The following KHDRBS2 variants were observed in gnomAD, a reference collection of about 807,000 sequenced individuals.
KHDRBS2 encodes the protein KH domain-containing, RNA-binding, signal transduction-associated protein 2.
In KHDRBS2, 26 loss-of-function variants were observed where a neutral mutation model predicts 44.3. The ratio of observed to expected loss-of-function variants is 0.59; its 90% CI spans 0.43 to 0.81. KHDRBS2 has a LOEUF of 0.81. KHDRBS2 is among the 40% of genes least tolerant of loss of function. KHDRBS2 has a pLI of 0.00. For missense variants in KHDRBS2, 476 were observed against 433.1 expected, an observed-to-expected ratio of 1.10 and a Z score of -0.88; for synonymous variants, 194 against 151.1, an observed-to-expected ratio of 1.28 and a Z score of -2.08.
the KHDRBS2 span, among the ~76,000 whole-genome samples, chr6:61,623,973 C>A: frequency 2.6e-5 from 4 of 152,090 alleles, no homozygotes; most frequent in African/African-American, 7.2e-5. Flanking sequence ...GGAAGAGTGT[C>A]ATGAGGTGAA....
At chr6:61,593,088 G>A in the KHDRBS2 span, among the ~76,000 whole-genome samples, 1 of 152,162 alleles carries the variant, frequency 6.6e-6, no homozygotes, top group South Asian at 2.1e-4. Context: ...AGTCTCTGAA[G>A]CATCTTTAGT....
chr6:61,913,333 T>G (rs1806391118), intron 4 of KHDRBS2, among the ~76,000 whole-genome samples: 4 of 151,876 alleles, frequency 2.6e-5, no homozygotes, highest in African/African-American at 9.7e-5. Flanking sequence ...TTTTATATTG[T>G]TCTAAGATGT....
intron 6 of KHDRBS2, among the ~76,000 whole-genome samples, chr6:61,795,968 A>C (rs1785293161): frequency 6.6e-6 from 1 of 152,176 alleles, no homozygotes; most frequent in African/African-American, 2.4e-5. Flanking sequence ...TCCAGTAGTT[A>C]AGATCATGAG....
intron 2 of KHDRBS2, among the ~76,000 whole-genome samples, chr6:62,070,082 T>A (rs1282972733): frequency 6.6e-6 from 1 of 151,784 alleles, no homozygotes; most frequent in African/African-American, 2.4e-5. Context: ...TTTTTGCTCC[T>A]TATTTAATTA....
intron 4 of KHDRBS2, among the ~76,000 whole-genome samples, chr6:61,958,445 C>G (rs1163823617): frequency 6.6e-6 from 1 of 152,152 alleles, no homozygotes; most frequent in Admixed American, 6.6e-5. Flanking sequence ...TGTCTGTAAG[C>G]TGCCTGGATG....
chr6:61,614,988 C>T, the KHDRBS2 span, among the ~76,000 whole-genome samples: 4 of 151,764 alleles, frequency 2.6e-5, no homozygotes, highest in Non-Finnish European at 5.9e-5. Flanking sequence ...AATCCCAGCA[C>T]GTTGGGAGAC....
At position 62,020,630 on chromosome 6, in the gene KHDRBS2, C is replaced by T. The variant is rs567757017; in HGVS notation, c.336+27248G>A. 4.5e-4 allele frequency among the ~76,000 whole-genome samples: 68 copies of T among 151,972 alleles called. 2 individuals carry two copies. Among genetic ancestry groups the T allele is most frequent in the South Asian group, 1.2e-3 (6 of 4,830 alleles). On this transcript the variant is annotated intron_variant, in intron 3 of 8. Coordinates refer to ENST00000281156, the MANE Select transcript of KHDRBS2 (RefSeq NM_152688.4). Reference sequence around the variant, plus strand: ...TGTACTTTGTGGCTGTCTTTATGTGCGTAAACTTTATAATTTTTATATTTT... The same window carrying T: ...TGTACTTTGTGGCTGTCTTTATGTGTGTAAACTTTATAATTTTTATATTTT...
chr6:61,754,503 G>C (rs1421387227), intron 6 of KHDRBS2, among the ~76,000 whole-genome samples: 1 of 151,618 alleles, frequency 6.6e-6, no homozygotes, highest in East Asian at 1.9e-4. Flanking sequence ...CTGTCACACA[G>C]AGACAGGATT....
intron 3 of KHDRBS2, among the ~76,000 whole-genome samples, chr6:61,992,593 A>ATGTG (rs749737405): frequency 6.6e-6 from 1 of 150,892 alleles, no homozygotes; most frequent in African/African-American, 2.4e-5. Context: ...TAGGGGTCTG[A>ATGTG]TGTGTGTGTG....
chr6:61,604,278 A>G, the KHDRBS2 span, among the ~76,000 whole-genome samples: 1 of 111,484 alleles, frequency 9.0e-6, no homozygotes, highest in South Asian at 3.3e-4. Context: ...ATTCACTGCA[A>G]GGGTCATCAA....
At chr6:62,165,320 A>G (rs1390776895) in intron 2 of KHDRBS2, among the ~76,000 whole-genome samples, 1 of 148,926 alleles carries the variant, frequency 6.7e-6, no homozygotes, top group African/African-American at 2.4e-5. Flanking sequence ...TTTTTGGTGT[A>G]TGAGATAAGA....
chr6:62,076,499 G>A (rs1796363074), intron 2 of KHDRBS2, among the ~76,000 whole-genome samples: 3 of 152,014 alleles, frequency 2.0e-5, no homozygotes, highest in Admixed American at 6.6e-5. Context: ...AGTAGATAAT[G>A]TTGGTTGTAG....
intron 6 of KHDRBS2, among the ~76,000 whole-genome samples, chr6:61,818,918 GAA>G (rs1789432183): frequency 6.6e-6 from 1 of 151,892 alleles, no homozygotes; most frequent in Non-Finnish European, 1.5e-5. Context: ...TTAGGTCAAA[GAA>G]AATATACATT....
chr6:62,256,063 A>G (rs2150178300), intron 1 of KHDRBS2, among the ~76,000 whole-genome samples: 1 of 152,040 alleles, frequency 6.6e-6, no homozygotes, highest in South Asian at 2.1e-4. Flanking sequence ...TGAACCTGGG[A>G]GGCAGAGGTT....
the KHDRBS2 span, among the ~76,000 whole-genome samples, chr6:61,635,494 G>C: frequency 6.6e-6 from 1 of 151,982 alleles, no homozygotes. Flanking sequence ...ATTTACTTAA[G>C]TGCACATTTA....
At chr6:62,209,482 C>A (rs1828640953) in intron 1 of KHDRBS2, among the ~76,000 whole-genome samples, 1 of 152,228 alleles carries the variant, frequency 6.6e-6, no homozygotes, top group Admixed American at 6.5e-5. Flanking sequence ...CATCAACACA[C>A]ACATACCCGT....
Position 61,722,930 on chromosome 6 carries a change from C to T in KHDRBS2, c.893+9752G>A, listed in dbSNP as rs1382564372. ...TTCACCATGTTAGCCAGGATGGTCT[C>T]GATCTCCTCACCTCGTGATCTGCTG... On this transcript the variant is annotated intron_variant, in intron 7 of 8. Coordinates refer to ENST00000281156, the MANE Select transcript of KHDRBS2 (RefSeq NM_152688.4). Among the ~76,000 whole-genome samples, 11 of 152,068 alleles carry T rather than the reference C, an allele frequency of 7.2e-5. No individual in the cohort carries two copies. In the East Asian group the frequency reaches 1.2e-3, roughly 16 times the overall value.
intron 6 of KHDRBS2, among the ~76,000 whole-genome samples, chr6:61,775,045 T>C (rs985146779): frequency 1.3e-5 from 2 of 152,020 alleles, no homozygotes; most frequent in African/African-American, 4.8e-5. Flanking sequence ...AAAAACCACA[T>C]GATTATCTCA....
intron 3 of KHDRBS2, among the ~76,000 whole-genome samples, chr6:62,004,113 C>G (rs1778772727): frequency 6.6e-6 from 1 of 152,030 alleles, no homozygotes; most frequent in African/African-American, 2.4e-5. Flanking sequence ...CAAGAGCAAA[C>G]AAATTCAAAA....
Sources: allele counts gnomAD v4.1 joint callset (sites outside exome capture counted in the v4.1 genomes callset), GRCh38; gene constraint gnomAD v4.1.1; transcripts MANE v1.5; gene names NCBI Gene and HGNC (gene_info 2026-07-23, HGNC 2026-07-21).